Variants in KRIT1 observed in about 807,000 individuals in gnomAD.
KRIT1 encodes the protein KRIT1 ankyrin repeat containing.
KRIT1 carries 45 observed loss-of-function variants against 95.8 expected under a neutral mutation model. The ratio of observed to expected loss-of-function variants is 0.47; its 90% CI spans 0.37 to 0.60. The LOEUF (loss-of-function observed/expected upper bound fraction) is 0.60. Among genes scored for constraint, KRIT1 ranks in the 20% least tolerant of loss-of-function variants. The pLI is 0.00. For missense variants in KRIT1, 788 were observed against 877.5 expected (o/e 0.90, Z 1.29); for synonymous variants, 282 against 278.8 (o/e 1.01, Z -0.11).
chr7:92,235,286 C>T, intron 8 of KRIT1, 117 bp downstream of exon 8: 4 of 1,050,096 alleles, frequency 3.8e-6, no homozygotes, highest in Non-Finnish European at 5.7e-6. Flanking sequence ...AGGCGTGAGC[C>T]ACTGTACCAG....
At chr7:92,218,108 A>G (rs1794362270) in intron 14 of KRIT1, among the ~76,000 whole-genome samples, 1 of 152,170 alleles carries the variant, frequency 6.6e-6, no homozygotes. Context: ...CCTAGAGTAC[A>G]GTGGATGATC....
At chr7:92,230,959 A>C (rs1797157555) in intron 10 of KRIT1, among the ~76,000 whole-genome samples, 1 of 152,210 alleles carries the variant, frequency 6.6e-6, no homozygotes, top group Non-Finnish European at 1.5e-5. Flanking sequence ...CAAAGAGTAC[A>C]GATAGCTAAT....
At position 92,200,426 on chromosome 7, in the gene KRIT1, C is replaced by G. The variant is rs1325326055; in HGVS notation, c.*310G>C. 1.2e-5 allele frequency: 4 copies of G among 335,120 alleles called. No individual in the cohort carries two copies. The highest frequency in any genetic ancestry group is 1.7e-5 in the Non-Finnish European group (3 of 175,104). 20.8% of individuals were successfully genotyped at this position (335,120 alleles called of 1,614,324 possible). On this transcript the variant is annotated 3_prime_UTR_variant, in exon 19 of 19. Transcript: ENST00000394505. The stretch of plus-strand genomic sequence containing the variant: ...CTAGCGTGCCGTGGTGCAATCTTGG[C>G]TCACTACAACCTCCACCTCCTGGGT...
intron 17 of KRIT1, chr7:92,206,655 C>CA (rs746701056): frequency 1.3e-5 from 2 of 151,860 alleles, no homozygotes; most frequent in African/African-American, 4.8e-5. Flanking sequence ...TATAACGATA[C>CA]AAAAAACATT....
intron 7 of KRIT1, 21 bp downstream of exon 7, chr7:92,236,392 A>C: frequency 6.5e-7 from 1 of 1,542,064 alleles, no homozygotes; most frequent in Non-Finnish European, 9.0e-7. Flanking sequence ...ATTAAAAGAT[A>C]CTTCTAACGG....
chr7:92,202,957 AAATC>A (rs2131124273), intron 17 of KRIT1, among the ~76,000 whole-genome samples: 1 of 152,354 alleles, frequency 6.6e-6, no homozygotes, highest in South Asian at 2.1e-4. Context: ...CTTCTCTTTT[AAATC>A]AATCACCTGA....
chr7:92,208,182 CA>C (rs1466479194), intron 17 of KRIT1, among the ~76,000 whole-genome samples: 1 of 151,532 alleles, frequency 6.6e-6, no homozygotes, highest in African/African-American at 2.4e-5. Flanking sequence ...CACCATATAC[CA>C]AAACCTAAGG....
At chr7:92,209,807 A>C (rs1194021881) in intron 17 of KRIT1, among the ~76,000 whole-genome samples, 1 of 152,150 alleles carries the variant, frequency 6.6e-6, no homozygotes, top group Non-Finnish European at 1.5e-5. Context: ...TCATGCCTGT[A>C]ATCCCAGCAC....
chr7:92,210,531 G>A (rs1344366742), intron 17 of KRIT1, among the ~76,000 whole-genome samples: 1 of 152,122 alleles, frequency 6.6e-6, no homozygotes, highest in Non-Finnish European at 1.5e-5. Context: ...CAGAAATCAA[G>A]TCAATATGGA....
intron 14 of KRIT1, 151 bp from the exon 15 acceptor site, chr7:92,214,928 C>T (rs1366549448): frequency 3.1e-6 from 2 of 639,748 alleles, no homozygotes; most frequent in Admixed American, 5.6e-5. Flanking sequence ...TTTATTAAGG[C>T]CCAGAGAGTA....
intron 17 of KRIT1, 98 bp downstream of exon 17, chr7:92,213,097 G>A (rs1793225910): frequency 1.2e-6 from 1 of 802,462 alleles, no homozygotes; most frequent in South Asian, 1.4e-5. Context: ...GCAATGAACA[G>A]TCTTGTATAT....
chr7:92,199,015 T>C (rs758196321), downstream of KRIT1: 3 of 152,172 alleles, frequency 2.0e-5, no homozygotes, highest in Non-Finnish European at 2.9e-5. Context: ...ATAGAGGAAA[T>C]AAATTCTGTT....
Position 92,201,403 on chromosome 7 carries a change from C to T in KRIT1, c.2046G>A (p.Lys682=), listed in dbSNP as rs144960332. 242 of 1,564,770 alleles carry T rather than the reference C, an allele frequency of 1.5e-4. No homozygotes were observed. In the African/African-American group the frequency reaches 2.7e-3, roughly 18 times the overall value. ...CCAATTGCCACATAAAACAACCATA[C>T]TTAAGACTGATGAGTAAAGCCTGCA... ...METKALLISL[K]YGCFMWQLGD... Residue 682 remains lysine (K), a synonymous_variant, in exon 18 of 19, where the codon AAG becomes AAA. Coordinates refer to ENST00000394505, the MANE Select transcript of KRIT1 (RefSeq NM_194454.3).
chr7:92,244,316 T>C (rs1800366353), intron 2 of KRIT1, among the ~76,000 whole-genome samples, 167 bp from the exon 3 acceptor site: 1 of 152,212 alleles, frequency 6.6e-6, no homozygotes, highest in African/African-American at 2.4e-5. Flanking sequence ...GGTCAACTCA[T>C]GTTAAGAAAA....
rs757381883 is a variant in KRIT1, at chr7:92,214,070, G to C, written c.1731-91C>G. The C allele has an allele frequency of 8.7e-6, 7 of 804,164 alleles. No homozygotes were observed. In the East Asian group the frequency reaches 1.7e-4, roughly 20 times the overall value. 49.8% of individuals were successfully genotyped at this position (804,164 alleles called of 1,614,324 possible). A position where few individuals can be genotyped will look rare whatever the true frequency, so the allele number is the denominator to read the frequency against. On this transcript the variant is annotated intron_variant, in intron 15 of 18. Coordinates refer to ENST00000394505, the MANE Select transcript of KRIT1 (RefSeq NM_194454.3). The stretch of plus-strand genomic sequence containing the variant: ...TCTGTTACAAATGGCTTTCAGTAAC[G>C]TAATTTTTAACCTGAAAAATATTTT...
intron 5 of KRIT1, 55 bp downstream of exon 5, chr7:92,240,938 A>G: frequency 7.5e-7 from 1 of 1,340,612 alleles, no homozygotes; most frequent in Non-Finnish European, 1.1e-6. Flanking sequence ...TTTTAAAAGA[A>G]TCTTTCTCCA....
rs1208615096 is a variant in KRIT1 at position 92,234,678 on chromosome 7, G to GT, written c.846-87dup. On this transcript the variant is annotated intron_variant, in intron 9 of 18. Transcript: ENST00000394505. ...AATGTGACACATCTATGAAAGCTCT[G>GT]TATCACTAAGAAGCTGTAAACTCAA... 10 of 1,253,522 alleles carry GT rather than the reference G, an allele frequency of 8.0e-6. No homozygotes were observed. The East Asian group carries it at 1.9e-4, about 23-fold the overall frequency. The allele number at this position is 1,253,522 out of a possible 1,614,324, so 77.6% of individuals were successfully genotyped here. A position where few individuals can be genotyped will look rare whatever the true frequency, so the allele number is the denominator to read the frequency against.
intron 17 of KRIT1, chr7:92,203,903 T>C (rs989361722): frequency 2.0e-5 from 3 of 152,312 alleles, no homozygotes. Flanking sequence ...TACAAGCTAA[T>C]AAACAGCAGC....
chr7:92,239,332 A>T (rs1799089168), intron 5 of KRIT1, among the ~76,000 whole-genome samples: 1 of 152,206 alleles, frequency 6.6e-6, no homozygotes, highest in African/African-American at 2.4e-5. Context: ...TTTAATTCAC[A>T]ACAAATTATG....
Sources: allele counts gnomAD v4.1 joint callset (sites outside exome capture counted in the v4.1 genomes callset), GRCh38; gene constraint gnomAD v4.1.1; transcripts MANE v1.5; gene names NCBI Gene and HGNC (gene_info 2026-07-23, HGNC 2026-07-21).